Variants in PRKCE observed in about 807,000 individuals in gnomAD.
The protein encoded by PRKCE is protein kinase C epsilon type.
Under a neutral mutation model 85.4 loss-of-function variants are expected in PRKCE, and 16 were observed. The observed-to-expected ratio is 0.19, with a 90% CI of 0.13 to 0.28. The LOEUF is 0.28. Among genes scored for constraint, PRKCE ranks in the 10% least tolerant of loss-of-function variants. The pLI, the probability that PRKCE is intolerant of heterozygous loss-of-function variation, is 1.00. For missense variants in PRKCE, 573 were observed against 975.2 expected (o/e 0.59, Z 5.49); for synonymous variants, 388 against 371.5 (o/e 1.04, Z -0.51).
At chr2:45,831,667 T>G (rs562046220) in intron 1 of PRKCE, among the ~76,000 whole-genome samples, 1 of 152,302 alleles carries the variant, frequency 6.6e-6, no homozygotes, top group East Asian at 1.9e-4. Context: ...AGAGAATGTC[T>G]AAAATAAGAA....
At chr2:45,925,972 G>T (rs1056495992) in intron 2 of PRKCE, among the ~76,000 whole-genome samples, 1 of 152,218 alleles carries the variant, frequency 6.6e-6, no homozygotes, top group Non-Finnish European at 1.5e-5. Context: ...AACTTCAGTG[G>T]GTAGAATCAG....
chr2:46,166,254 G>A (rs1040892529), intron 14 of PRKCE, among the ~76,000 whole-genome samples: 15 of 152,206 alleles, frequency 9.9e-5, no homozygotes, highest in Admixed American at 3.3e-4. Context: ...ACCTGCCTAG[G>A]GACCACCTGA....
intron 10 of PRKCE, among the ~76,000 whole-genome samples, chr2:46,077,585 T>C (rs1296805477): frequency 6.6e-6 from 1 of 152,208 alleles, no homozygotes; most frequent in Non-Finnish European, 1.5e-5. Context: ...TGTGTATGGC[T>C]TTGAACAATG....
chr2:45,778,123 G>A (rs1219497763), intron 1 of PRKCE, among the ~76,000 whole-genome samples: 1 of 147,478 alleles, frequency 6.8e-6, no homozygotes, highest in African/African-American at 2.5e-5. Context: ...GGAGGGAGGG[G>A]TGGGTTGGCA....
intron 14 of PRKCE, among the ~76,000 whole-genome samples, chr2:46,163,759 G>A (rs1040068941): frequency 7.0e-6 from 1 of 143,696 alleles, no homozygotes; most frequent in South Asian, 2.3e-4. Context: ...ACCCCACAGA[G>A]GCCACGGGAA....
chr2:45,695,277 C>T (rs1224537865), intron 1 of PRKCE, among the ~76,000 whole-genome samples: 4 of 151,980 alleles, frequency 2.6e-5, no homozygotes, highest in Admixed American at 1.3e-4. Flanking sequence ...TCTCTGTTCC[C>T]GCGATGATTT....
At chr2:45,852,886 G>C (rs928121161) in intron 2 of PRKCE, among the ~76,000 whole-genome samples, 1 of 152,172 alleles carries the variant, frequency 6.6e-6, no homozygotes, top group Admixed American at 6.5e-5. Context: ...TGGAGATTCT[G>C]ACTCAGGCAG....
intron 11 of PRKCE, among the ~76,000 whole-genome samples, chr2:46,126,879 G>A (rs1449171686): frequency 6.6e-6 from 1 of 152,178 alleles, no homozygotes; most frequent in Admixed American, 6.5e-5. Context: ...ATGAGGAAAG[G>A]CTACAGACAG....
At chr2:46,141,536 T>C (rs375803867) in intron 11 of PRKCE, among the ~76,000 whole-genome samples, 1 of 152,236 alleles carries the variant, frequency 6.6e-6, no homozygotes, top group African/African-American at 2.4e-5. Context: ...GAATTTTTAC[T>C]GCATGCCCTT....
At chr2:45,781,861 G>A (rs895747508) in intron 1 of PRKCE, among the ~76,000 whole-genome samples, 1 of 152,002 alleles carries the variant, frequency 6.6e-6, no homozygotes, top group Non-Finnish European at 1.5e-5. Context: ...TTGCTAGAGG[G>A]GACCACAGAA....
intron 14 of PRKCE, among the ~76,000 whole-genome samples, chr2:46,160,380 G>A (rs977905990): frequency 3.3e-5 from 5 of 152,224 alleles, no homozygotes; most frequent in African/African-American, 1.2e-4. Flanking sequence ...GAAGCTCAGA[G>A]CTTTCAGTCT....
chr2:45,692,329 T>C (rs985733138), intron 1 of PRKCE, among the ~76,000 whole-genome samples: 3 of 152,260 alleles, frequency 2.0e-5, no homozygotes, highest in African/African-American at 7.2e-5. Context: ...GGGAGTTTTT[T>C]CTTGTCATTT....
At chr2:46,007,107 A>T (rs1479072732) in intron 8 of PRKCE, among the ~76,000 whole-genome samples, 1 of 152,232 alleles carries the variant, frequency 6.6e-6, no homozygotes, top group African/African-American at 2.4e-5. Flanking sequence ...GTGACTCTGC[A>T]GAATTCCAGA....
At position 45,774,064 on chromosome 2, in the gene PRKCE, C is replaced by T. The variant is rs1232382820; in HGVS notation, c.349-68936C>T. Among the ~76,000 whole-genome samples, 2 of 152,234 alleles carry T rather than the reference C, an allele frequency of 1.3e-5. No homozygotes were observed. The highest frequency in any genetic ancestry group is 4.8e-5 in the African/African-American group (2 of 41,464). ...GACCCCAGAGTCCTCCCCTCCCCCG[C>T]TGCTGCTGTTCATCTTGGGGGACCC... On this transcript the variant is annotated intron_variant, in intron 1 of 14. Transcript: ENST00000306156. The surrounding 1 kb of genome is among the most constrained non-coding windows in gnomAD (Gnocchi z 4.3).
At chr2:45,827,196 C>A (rs1690014772) in intron 1 of PRKCE, among the ~76,000 whole-genome samples, 1 of 152,248 alleles carries the variant, frequency 6.6e-6, no homozygotes, top group African/African-American at 2.4e-5. Context: ...TACCTCCATG[C>A]CTTTGCATCT....
chr2:46,155,244 A>G lies in PRKCE; in HGVS notation c.1920+4015A>G, dbSNP rs1677085687. On this transcript the variant is annotated intron_variant, in intron 13 of 14. Coordinates refer to ENST00000306156, the MANE Select transcript of PRKCE (RefSeq NM_005400.3). This position sits in a 1 kb window ranked among gnomAD's most constrained non-coding sequence, Gnocchi z 4.7. ...TAAATGATTATAACTAGTTCAATTA[A>G]ATGATTACAACTAGTTCAACTGAGA... 6.6e-6 allele frequency among the ~76,000 whole-genome samples: 1 copy of G among 152,166 alleles called. No individual in the cohort carries two copies. The highest frequency in any genetic ancestry group is 2.4e-5 in the African/African-American group (1 of 41,432).
chr2:46,143,859 C>A (rs1451802527), intron 11 of PRKCE, among the ~76,000 whole-genome samples: 1 of 152,240 alleles, frequency 6.6e-6, no homozygotes, highest in Non-Finnish European at 1.5e-5. Context: ...GGCTACAATG[C>A]AGGCTGGTCC....
chr2:46,157,293 C>G (rs1177066561), intron 13 of PRKCE, among the ~76,000 whole-genome samples: 1 of 152,212 alleles, frequency 6.6e-6, no homozygotes, highest in African/African-American at 2.4e-5. Flanking sequence ...TCCCAGGCCC[C>G]AACACCAGCC....
At chr2:45,746,955 G>A (rs912838898) in intron 1 of PRKCE, among the ~76,000 whole-genome samples, 3 of 152,070 alleles carry the variant, frequency 2.0e-5, no homozygotes, top group African/African-American at 4.8e-5. Context: ...TACCTTTCAA[G>A]CCTCAGTCCC....
Sources: allele counts gnomAD v4.1 joint callset (sites outside exome capture counted in the v4.1 genomes callset), GRCh38; gene constraint gnomAD v4.1.1; non-coding constraint Gnocchi (gnomAD v3.1); transcripts MANE v1.5; gene names NCBI Gene and HGNC (gene_info 2026-07-23, HGNC 2026-07-21).